ADCY9: variants seen among roughly 807,000 people sequenced by gnomAD.
ADCY9 encodes adenylate cyclase 9.
Under a neutral mutation model 101.5 loss-of-function variants are expected in ADCY9, and 50 were observed. The ratio of observed to expected loss-of-function variants is 0.49; its 90% CI spans 0.39 to 0.62. ADCY9 has a LOEUF of 0.62. Among genes scored for constraint, ADCY9 ranks in the 20% least tolerant of loss-of-function variants. The pLI, the probability that ADCY9 is intolerant of heterozygous loss-of-function variation, is 0.00. For missense variants in ADCY9, 1,662 were observed against 1,800.4 expected (o/e 0.92, Z 1.39); for synonymous variants, 905 against 769.3 (o/e 1.18, Z -2.92).
chr16:3,979,264 A>T lies in ADCY9; in HGVS notation c.2531T>A (p.Phe844Tyr). The change falls in exon 8 of 11, where the codon TTC becomes TAC. Residue 844 changes from phenylalanine (F) to tyrosine (Y), a missense_variant. Around this residue, in one of 5 missense-constraint regions of ADCY9, gnomAD observed 624 missense variants for 639.1 expected, o/e 0.98. Transcript: ENST00000294016. The stretch of plus-strand genomic sequence containing the variant: ...GGTGCAGGCCATGACGTCCTCCAGG[A>T]AGAACACCATCCTGCGAGAGGCATG... ...SLAVSIRMVF[F>Y]LEDVMACTKR... 1 of 1,613,806 alleles carries T rather than the reference A, an allele frequency of 6.2e-7. No individual in the cohort carries two copies. The highest frequency in any genetic ancestry group is 1.1e-5 in the South Asian group (1 of 91,078).
At chr16:3,985,157 T>A (rs78294674) in intron 6 of ADCY9, among the ~76,000 whole-genome samples, 1 of 149,498 alleles carries the variant, frequency 6.7e-6, no homozygotes, top group South Asian at 2.1e-4. Context: ...TTTTTTTTTT[T>A]TTTGAGATGG....
chr16:4,106,316 G>A (rs960493872), intron 2 of ADCY9, among the ~76,000 whole-genome samples: 4 of 152,142 alleles, frequency 2.6e-5, no homozygotes, highest in African/African-American at 9.7e-5. Flanking sequence ...AGTCTTCCCA[G>A]GGGAGGACCA....
chr16:4,107,767 C>G (rs962744750), intron 2 of ADCY9, among the ~76,000 whole-genome samples: 1 of 152,002 alleles, frequency 6.6e-6, no homozygotes, highest in East Asian at 1.9e-4. Context: ...CTGGCAGGCC[C>G]GTGCTCAGGG....
intron 2 of ADCY9, among the ~76,000 whole-genome samples, chr16:4,020,562 C>T (rs1290132703): frequency 2.0e-5 from 3 of 152,296 alleles, no homozygotes; most frequent in South Asian, 4.1e-4. Flanking sequence ...TGGCTCACGT[C>T]TGTAATCCCA....
intron 3 of ADCY9, among the ~76,000 whole-genome samples, chr16:4,003,459 G>A (rs548932923): frequency 1.3e-5 from 2 of 152,200 alleles, no homozygotes; most frequent in South Asian, 2.1e-4. Flanking sequence ...GCACCATTCC[G>A]GCTCATCTCC....
At chr16:3,959,265 A>G (rs1028484169), downstream of ADCY9, among the ~76,000 whole-genome samples, 7 of 151,900 alleles carry the variant, frequency 4.6e-5, no homozygotes, top group African/African-American at 1.7e-4. Context: ...GGAGGCAGAG[A>G]CAGGAGGATG....
At chr16:3,982,828 G>C (rs1258110292) in intron 7 of ADCY9, 4 of 193,240 alleles carry the variant, frequency 2.1e-5, no homozygotes, top group Non-Finnish European at 4.2e-5. Flanking sequence ...TGAGGCAAGT[G>C]CGTGGAGATG....
Position 3,973,880 on chromosome 16 carries a change from A to G in ADCY9, c.2870+789T>C, listed in dbSNP as rs115504884. On this transcript the variant is annotated intron_variant, in intron 10 of 10. Transcript: ENST00000294016. ...TTCTATTTATTATTTGTAAGCCTGG[A>G]AAGTTATCTCAGTTTTAGAGGCTTG... Among the ~76,000 whole-genome samples the G allele has an allele frequency of 6.0e-3, 910 of 152,244 alleles. 7 individuals are homozygous for G. Among genetic ancestry groups the G allele is most frequent in the African/African-American group, 0.021 (868 of 41,532 alleles).
intron 2 of ADCY9, among the ~76,000 whole-genome samples, chr16:4,108,909 T>A (rs2057096534): frequency 6.6e-6 from 1 of 151,976 alleles, no homozygotes; most frequent in East Asian, 1.9e-4. Context: ...TTTCACCACG[T>A]TGGCCAGGCT....
intron 2 of ADCY9, among the ~76,000 whole-genome samples, chr16:4,045,255 T>C (rs940269710): frequency 6.6e-6 from 1 of 151,826 alleles, no homozygotes; most frequent in African/African-American, 2.4e-5. Context: ...TATGAAAAAA[T>C]GAAAGCCCAG....
chr16:4,080,324 A>G (rs1597213019), intron 2 of ADCY9, among the ~76,000 whole-genome samples: 1 of 152,014 alleles, frequency 6.6e-6, no homozygotes, highest in South Asian at 2.1e-4. Flanking sequence ...GTTCACTGCA[A>G]CCTCCATCTC....
rs1274569858 is a variant in ADCY9, at chr16:3,965,654, A to G, written c.*121T>C. 3.6e-6 allele frequency: 3 copies of G among 841,456 alleles called. No individual in the cohort carries two copies. The highest frequency in any genetic ancestry group is 3.4e-5 in the African/African-American group (2 of 58,638). 52.1% of individuals were successfully genotyped at this position (841,456 alleles called of 1,614,324 possible). On this transcript the variant is annotated 3_prime_UTR_variant, in exon 11 of 11. Transcript: ENST00000294016. ...GATCCACACAGAAGTTAGGGCTGAA[A>G]TGACCACATAACACCACGTCCGGGG...
intron 6 of ADCY9, 89 bp downstream of exon 6, chr16:3,988,905 C>A: frequency 9.7e-7 from 1 of 1,026,114 alleles, no homozygotes; most frequent in Non-Finnish European, 1.5e-6. Flanking sequence ...TGTTCCCATC[C>A]CTTGGTAAAG....
intron 2 of ADCY9, among the ~76,000 whole-genome samples, chr16:4,093,269 G>C (rs961417546): frequency 4.6e-5 from 7 of 152,184 alleles, no homozygotes; most frequent in African/African-American, 1.4e-4. Context: ...TGGCAAATGA[G>C]GTTGGTTTCA....
intron 2 of ADCY9, among the ~76,000 whole-genome samples, chr16:4,071,366 C>CAAAAAAAAAAAAAAAAAAAAAA (rs1004438307): frequency 4.5e-5 from 4 of 89,260 alleles, no homozygotes; most frequent in Non-Finnish European, 6.9e-5. Context: ...AAAAAAAAAT[C>CAAAAAAAAAAAAAAAAAAAAAA]AAAAAAGTTG....
At chr16:4,089,206 C>T (rs2056958482) in intron 2 of ADCY9, among the ~76,000 whole-genome samples, 2 of 152,028 alleles carry the variant, frequency 1.3e-5, no homozygotes, top group African/African-American at 2.4e-5. Context: ...TCCCGAGGGG[C>T]TGGGACCACA....
chr16:4,072,599 C>T (rs980461337), intron 2 of ADCY9, among the ~76,000 whole-genome samples: 2 of 151,956 alleles, frequency 1.3e-5, no homozygotes, highest in African/African-American at 2.4e-5. Context: ...GCATAAGCCC[C>T]TATTAAATGT....
At chr16:4,051,305 C>T (rs1253660343) in intron 2 of ADCY9, among the ~76,000 whole-genome samples, 2 of 151,970 alleles carry the variant, frequency 1.3e-5, no homozygotes, top group African/African-American at 4.8e-5. Flanking sequence ...GCAGGCAGAT[C>T]ACGAGGTCAG....
At position 3,963,917 on chromosome 16, in the gene ADCY9, G is replaced by A. The variant is rs529591396; in HGVS notation, c.*1858C>T. Reference sequence around the variant, plus strand: ...GTATTGTCACAACCACCCTTTCTTCGGTATTGGAAGACCAGCAAACTGACA... The same window carrying A: ...GTATTGTCACAACCACCCTTTCTTCAGTATTGGAAGACCAGCAAACTGACA... On this transcript the variant is annotated 3_prime_UTR_variant, in exon 11 of 11. Coordinates refer to ENST00000294016, the MANE Select transcript of ADCY9 (RefSeq NM_001116.4). The A allele has an allele frequency of 5.2e-5, 8 of 152,700 alleles. No individual in the cohort carries two copies. In the East Asian group the frequency reaches 1.4e-3, roughly 26 times the overall value. The allele number at this position is 152,700 out of a possible 1,614,324, so 9.5% of individuals were successfully genotyped here. A position where few individuals can be genotyped will look rare whatever the true frequency, so the allele number is the denominator to read the frequency against.
Sources: allele counts gnomAD v4.1 joint callset (sites outside exome capture counted in the v4.1 genomes callset), GRCh38; gene constraint gnomAD v4.1.1; regional missense constraint gnomAD v4.1.1; transcripts MANE v1.5; gene names NCBI Gene and HGNC (gene_info 2026-07-23, HGNC 2026-07-21).